Variants in ARFGAP3 observed in about 807,000 individuals in gnomAD.
ARFGAP3 encodes the protein ARF GTPase activating protein 3.
ARFGAP3 carries 72 observed loss-of-function variants against 75.0 expected under a neutral mutation model. That is an observed-to-expected ratio of 0.96 (90% CI 0.79 to 1.17). The LOEUF (loss-of-function observed/expected upper bound fraction) is 1.17, where lower values mean the gene tolerates loss of function less well. Among genes scored for constraint, ARFGAP3 ranks in the 50% most tolerant of loss-of-function variants. The probability of loss-of-function intolerance (pLI) is 0.00; values close to 1 mark genes in which losing one functional copy is unlikely to be tolerated. For missense variants in ARFGAP3, 620 were observed against 626.6 expected, an observed-to-expected ratio of 0.99 and a Z score of 0.11; for synonymous variants, 221 against 217.9, an observed-to-expected ratio of 1.01 and a Z score of -0.13.
chr22:42,846,127 T>C (rs1484939336), intron 2 of ARFGAP3, among the ~76,000 whole-genome samples: 4 of 151,802 alleles, frequency 2.6e-5, no homozygotes, highest in Non-Finnish European at 5.9e-5. Context: ...TCACGTTCTA[T>C]CAATATTTCG....
At chr22:42,845,481 G>A (rs979220333) in intron 2 of ARFGAP3, among the ~76,000 whole-genome samples, 51 of 149,684 alleles carry the variant, frequency 3.4e-4, no homozygotes, top group African/African-American at 1.2e-3. Context: ...AGCCAAGATC[G>A]TGCCACTGCA....
chr22:42,810,865 C>CT lies in ARFGAP3; in HGVS notation c.1143dup (p.Glu382ArgfsTer7). 6.2e-7 allele frequency: 1 copy of CT among 1,614,168 alleles called. No individual in the cohort carries two copies. Among genetic ancestry groups the CT allele is most frequent in the Non-Finnish European group, 8.5e-7 (1 of 1,180,034 alleles). ...ACTGTTTCAGTATCTTTGCTGGTCT[C>CT]TTTTTTCCAATAGGAATCTGAACTG... On this transcript the variant is annotated frameshift_variant, in exon 12 of 16. Coordinates refer to ENST00000263245, the MANE Select transcript of ARFGAP3 (RefSeq NM_014570.5). LOFTEE classifies it high-confidence loss of function.
intron 1 of ARFGAP3, among the ~76,000 whole-genome samples, chr22:42,855,831 G>T (rs1402423326): frequency 6.6e-6 from 1 of 151,720 alleles, no homozygotes; most frequent in Non-Finnish European, 1.5e-5. Context: ...ACCAGCACGG[G>T]CAACATAGCA....
rs1926065255 is a variant in ARFGAP3, at chr22:42,826,928, T to TA, written c.625+11dup. 6.2e-7 allele frequency: 1 copy of TA among 1,610,078 alleles called. No individual in the cohort carries two copies. Among genetic ancestry groups the TA allele is most frequent in the South Asian group, 1.1e-5 (1 of 90,452 alleles). On this transcript the variant is annotated intron_variant, in intron 7 of 15. Transcript: ENST00000263245. The stretch of plus-strand genomic sequence containing the variant: ...CACTTTAAATCAGAATGTAGGATTT[T>TA]AAGCATATTACCTAAAGTAGCCTTT...
intron 4 of ARFGAP3, 91 bp from the exon 5 acceptor site, chr22:42,834,416 T>C: frequency 6.5e-7 from 1 of 1,537,466 alleles, no homozygotes; most frequent in Non-Finnish European, 8.7e-7. Context: ...GAGACCTGTT[T>C]CCTAAAGATT....
intron 13 of ARFGAP3, among the ~76,000 whole-genome samples, chr22:42,808,163 C>T (rs954983400): frequency 1.3e-5 from 2 of 151,732 alleles, no homozygotes; most frequent in Non-Finnish European, 2.9e-5. Flanking sequence ...TTTGGGAGGC[C>T]GAGGCAGCCA....
chr22:42,835,208 C>T (rs1926464543), intron 4 of ARFGAP3, among the ~76,000 whole-genome samples, 154 bp downstream of exon 4: 1 of 152,202 alleles, frequency 6.6e-6, no homozygotes, highest in Non-Finnish European at 1.5e-5. Context: ...GATGAATTTA[C>T]AGAACATAAC....
At chr22:42,815,428 T>C (rs1269635069) in intron 11 of ARFGAP3, among the ~76,000 whole-genome samples, 3 of 151,044 alleles carry the variant, frequency 2.0e-5, no homozygotes, top group Non-Finnish European at 4.4e-5. Context: ...TTTTTTTTTT[T>C]GGTAAAATCC....
At chr22:42,848,231 C>T (rs953104840) in intron 1 of ARFGAP3, among the ~76,000 whole-genome samples, 4 of 151,960 alleles carry the variant, frequency 2.6e-5, no homozygotes, top group Non-Finnish European at 5.9e-5. Flanking sequence ...ATTTTTGAGA[C>T]GGAGTCTCGC....
At chr22:42,856,927 C>T (rs1927530731) in intron 1 of ARFGAP3, among the ~76,000 whole-genome samples, 187 bp downstream of exon 1, 2 of 150,276 alleles carry the variant, frequency 1.3e-5, no homozygotes, top group Non-Finnish European at 3.0e-5. Context: ...TGCGGCCTCC[C>T]GCCCGGGCCT....
At chr22:42,816,115 TAAAC>T (rs977534492) in intron 11 of ARFGAP3, among the ~76,000 whole-genome samples, 5 of 152,168 alleles carry the variant, frequency 3.3e-5, no homozygotes, top group South Asian at 2.1e-4. Flanking sequence ...CTCTATCTCA[TAAAC>T]AAACAAACAA....
chr22:42,852,100 T>C (rs1220763948), intron 1 of ARFGAP3, among the ~76,000 whole-genome samples: 1 of 151,536 alleles, frequency 6.6e-6, no homozygotes, highest in Non-Finnish European at 1.5e-5. Context: ...TAGGGTCTCA[T>C]GCTGGAGTAT....
chr22:42,848,272 G>T (rs918126051), intron 1 of ARFGAP3, among the ~76,000 whole-genome samples: 1 of 151,620 alleles, frequency 6.6e-6, no homozygotes, highest in Non-Finnish European at 1.5e-5. Context: ...GCAGCGGCAC[G>T]ATTTCGTCTC....
chr22:42,802,646 G>GGCTGGAGT (rs1924925768), intron 14 of ARFGAP3, among the ~76,000 whole-genome samples: 1 of 138,820 alleles, frequency 7.2e-6, no homozygotes. Context: ...CTGTTGCCCA[G>GGCTGGAGT]GCTGGAGTGC....
At chr22:42,798,638 AAGAT>A (rs957977878) in intron 15 of ARFGAP3, among the ~76,000 whole-genome samples, 8 of 152,182 alleles carry the variant, frequency 5.3e-5, no homozygotes, top group African/African-American at 9.7e-5. Flanking sequence ...TAACTTTAAA[AAGAT>A]AGATATGTAT....
intron 4 of ARFGAP3, 127 bp from the exon 5 acceptor site, chr22:42,834,452 G>A: frequency 6.8e-7 from 1 of 1,474,934 alleles, no homozygotes; most frequent in Admixed American, 2.7e-5. Flanking sequence ...TATAAAATCA[G>A]TAACATCCCT....
chr22:42,797,704 C>T, intron 15 of ARFGAP3, 99 bp from the exon 16 acceptor site: 1 of 1,611,514 alleles, frequency 6.2e-7, no homozygotes, highest in Non-Finnish European at 8.5e-7. Flanking sequence ...ACACTGCAGC[C>T]CATGTCAGGC....
At chr22:42,841,962 C>T (rs1602126399) in intron 2 of ARFGAP3, among the ~76,000 whole-genome samples, 1 of 146,686 alleles carries the variant, frequency 6.8e-6, no homozygotes, top group African/African-American at 2.5e-5. Flanking sequence ...ATTGCTCAAG[C>T]AATCCTCCTG....
intron 3 of ARFGAP3, among the ~76,000 whole-genome samples, chr22:42,836,504 T>C (rs1203286581): frequency 6.6e-6 from 1 of 152,176 alleles, no homozygotes; most frequent in African/African-American, 2.4e-5. Context: ...GGAGCTACAT[T>C]AATGTTTACC....
Sources: gnomAD v4.1 joint callset for allele counts (sites outside exome capture counted in the v4.1 genomes callset) on GRCh38, gnomAD v4.1.1 for gene constraint, MANE v1.5 for transcripts, NCBI Gene and HGNC (gene_info 2026-07-23, HGNC 2026-07-21) for gene names.